TTC8: variants seen among roughly 807,000 people sequenced by gnomAD.
TTC8 encodes tetratricopeptide repeat domain 8, also known as tetratricopeptide repeat protein 8.
In TTC8, 47 loss-of-function variants were observed where a neutral mutation model predicts 72.5. That is an observed-to-expected ratio of 0.65 (90% CI 0.51 to 0.83). The LOEUF (loss-of-function observed/expected upper bound fraction) is 0.83, where lower values mean the gene tolerates loss of function less well. Ranked by LOEUF, TTC8 falls within the 40% of genes least tolerant of loss-of-function variation. The pLI, the probability that TTC8 is intolerant of heterozygous loss-of-function variation, is 0.00. For synonymous variants in TTC8, 199 were observed against 221.4 expected (o/e 0.90, Z 0.90); for missense variants, 611 against 623.2 (o/e 0.98, Z 0.21).
intron 10 of TTC8, among the ~76,000 whole-genome samples, chr14:88,865,514 C>T (rs1008588856): frequency 1.3e-5 from 2 of 151,966 alleles, no homozygotes; most frequent in South Asian, 4.1e-4. Context: ...ACTAAAAATA[C>T]AAAATTAGCC....
chr14:88,846,601 C>G, intron 7 of TTC8: 2 of 1,432,688 alleles, frequency 1.4e-6, no homozygotes, highest in Non-Finnish European at 1.9e-6. Flanking sequence ...TTAATAGATT[C>G]ATCTTGAAGA....
At chr14:88,859,857 C>CATATATAATATATATTATATATTATATA (rs1329379600) in intron 9 of TTC8, among the ~76,000 whole-genome samples, 5 of 134,288 alleles carry the variant, frequency 3.7e-5, no homozygotes, top group Non-Finnish European at 7.8e-5. Context: ...AATATATAAT[C>CATATATAATATATATTATATATTATATA]ATATATAATA....
In TTC8 at chr14:88,841,120, C is replaced by A. The variant is rs755746327; in HGVS notation, c.413C>A (p.Ala138Asp). Residue 138 changes from alanine (A) to aspartate (D), a missense_variant, in exon 5 of 15, where the codon GCT becomes GAT. Ala to Asp is a moderately radical substitution (Grantham distance 126). Coordinates refer to ENST00000380656, the MANE Select transcript of TTC8 (RefSeq NM_144596.4). The part of the protein sequence containing the change: ...QSGRPGTMEQ[A>D]IRTPRTAYTA... Reference sequence around the variant, plus strand: ...GGAAGGCCAGGCACTATGGAACAGGCTATCAGAACACCCAGAACCGCCTAC... The same window carrying A: ...GGAAGGCCAGGCACTATGGAACAGGATATCAGAACACCCAGAACCGCCTAC... 1 of 1,614,124 alleles carries A rather than the reference C, an allele frequency of 6.2e-7. No individual in the cohort carries two copies. The highest frequency in any genetic ancestry group is 1.1e-5 in the South Asian group (1 of 91,080).
intron 13 of TTC8, among the ~76,000 whole-genome samples, chr14:88,873,463 A>G (rs2094943762): frequency 1.3e-5 from 2 of 152,190 alleles, no homozygotes; most frequent in South Asian, 2.1e-4. Flanking sequence ...TTTCATATAT[A>G]TGTGTAGGAT....
chr14:88,855,266 G>A (rs1207406921), intron 8 of TTC8, among the ~76,000 whole-genome samples: 4 of 152,116 alleles, frequency 2.6e-5, no homozygotes, highest in Non-Finnish European at 4.4e-5. Flanking sequence ...TTAAGGACAT[G>A]GTTGTTACCT....
chr14:88,854,376 C>T (rs566776963), intron 8 of TTC8, among the ~76,000 whole-genome samples: 1 of 152,314 alleles, frequency 6.6e-6, no homozygotes, highest in South Asian at 2.1e-4. Context: ...TTCACTTATA[C>T]ATTCATTCAT....
At chr14:88,844,025 A>G (rs1031982819) in intron 7 of TTC8, among the ~76,000 whole-genome samples, 175 bp downstream of exon 7, 2 of 152,178 alleles carry the variant, frequency 1.3e-5, no homozygotes, top group African/African-American at 2.4e-5. Flanking sequence ...GTATAAATAT[A>G]CAAGTGATAA....
In TTC8 at chr14:88,861,315, A is replaced by G. The variant is rs752236362; in HGVS notation, c.892A>G (p.Ile298Val). Residue 298 changes from isoleucine (I) to valine (V), a missense_variant, in exon 10 of 15, where the codon ATT becomes GTT. Ile to Val is a conservative substitution (Grantham distance 29). Transcript: ENST00000380656. ...AGGAGAAGTAACCCTGCTCTGTGGA[A>G]TTGCAAGAATCTATGAGGTAATTCA... ...FPGEVTLLCG[I>V]ARIYEEMNNM... 6.2e-7 allele frequency: 1 copy of G among 1,608,676 alleles called. No homozygotes were observed. The highest frequency in any genetic ancestry group is 1.3e-5 in the African/African-American group (1 of 74,774).
intron 1 of TTC8, among the ~76,000 whole-genome samples, chr14:88,828,643 G>A (rs1325942730): frequency 6.6e-6 from 1 of 152,072 alleles, no homozygotes; most frequent in African/African-American, 2.4e-5. Flanking sequence ...TTTTAATAAT[G>A]TCATTTTTCA....
At chr14:88,850,145 T>G (rs573454234) in intron 7 of TTC8, among the ~76,000 whole-genome samples, 7 of 152,330 alleles carry the variant, frequency 4.6e-5, no homozygotes, top group African/African-American at 1.7e-4. Context: ...TGGGAATGAT[T>G]AAAGAAATAT....
At chr14:88,872,125 A>T (rs1334222954) in intron 12 of TTC8, among the ~76,000 whole-genome samples, 1 of 152,184 alleles carries the variant, frequency 6.6e-6, no homozygotes, top group African/African-American at 2.4e-5. Flanking sequence ...CAGTAGTCTT[A>T]CGGGGCAATT....
At chr14:88,859,692 GC>G (rs1329839119) in intron 9 of TTC8, among the ~76,000 whole-genome samples, 1 of 151,496 alleles carries the variant, frequency 6.6e-6, no homozygotes, top group Non-Finnish European at 1.5e-5. Flanking sequence ...GGAGGCTGAG[GC>G]TGGAGGATTG....
chr14:88,872,450 C>A lies in TTC8; in HGVS notation c.1345C>A (p.Gln449Lys). ...GGAGATGCGGAAGGGCCACGTTGAA[C>A]AGGTCAGTGAACTGGCAGCGGCATG... ...VLEMRKGHVE[Q>K]ARALLQTASS... The change falls in exon 13 of 15, where the codon CAG (glutamine) becomes AAG (lysine). Residue 449 changes from glutamine to lysine, a missense_variant and splice_region_variant. Gln to Lys is a moderately conservative substitution (Grantham distance 53, BLOSUM62 1). Transcript: ENST00000380656. 6.2e-7 allele frequency: 1 copy of A among 1,613,742 alleles called. No individual in the cohort carries two copies. The highest frequency in any genetic ancestry group is 8.5e-7 in the Non-Finnish European group (1 of 1,179,782).
chr14:88,844,711 A>AT lies in TTC8; in HGVS notation c.624+874dup, dbSNP rs397852319. Reference sequence around the variant, plus strand: ...AGGCGTGTGCCACCATGCCCAGCTGATTTTTTTTTTTTTAATTATCTGTAC... The same window carrying AT: ...AGGCGTGTGCCACCATGCCCAGCTGATTTTTTTTTTTTTTAATTATCTGTAC... On this transcript the variant is annotated intron_variant, in intron 7 of 14. Coordinates refer to ENST00000380656, the MANE Select transcript of TTC8 (RefSeq NM_144596.4). Among the ~76,000 whole-genome samples, 510 of 144,076 alleles carry AT rather than the reference A, an allele frequency of 3.5e-3. 2 individuals are homozygous for AT. Among genetic ancestry groups the AT allele is most frequent in the East Asian group, 5.9e-3 (29 of 4,954 alleles). The allele number at this position is 144,076 out of a possible 152,430, so 94.5% of individuals were successfully genotyped here.
intron 11 of TTC8, among the ~76,000 whole-genome samples, chr14:88,870,667 C>T (rs2094929910): frequency 6.6e-6 from 1 of 152,146 alleles, no homozygotes. Context: ...TTTTTTCAGT[C>T]TAAATAAATT....
chr14:88,871,945 T>C lies in TTC8; in HGVS notation c.1224+222T>C, dbSNP rs2094936042. Among the ~76,000 whole-genome samples the C allele has an allele frequency of 6.6e-6, 1 of 152,084 alleles. No individual in the cohort carries two copies. Among genetic ancestry groups the C allele is most frequent in the African/African-American group, 2.4e-5 (1 of 41,406 alleles). ...TGCACATCTGTAGTCCCAGCTACTC[T>C]GAGGGCTGAGGCAGGAAGATCACTT... On this transcript the variant is annotated intron_variant, in intron 12 of 14. Transcript: ENST00000380656. The surrounding 1 kb of genome is among the most constrained non-coding windows in gnomAD (Gnocchi z 4.1).
chr14:88,856,900 G>A (rs1482554879), intron 8 of TTC8, among the ~76,000 whole-genome samples: 2 of 152,118 alleles, frequency 1.3e-5, no homozygotes, highest in Non-Finnish European at 2.9e-5. Context: ...AGCTCTTTGG[G>A]TGGTGAACTG....
At chr14:88,837,038 G>A in intron 2 of TTC8, 1 of 271,238 alleles carries the variant, frequency 3.7e-6, no homozygotes, top group Non-Finnish European at 7.4e-6. Context: ...TCCAGCTTGG[G>A]CAACAAGAGC....
intron 1 of TTC8, chr14:88,830,750 A>C: frequency 3.5e-5 from 15 of 428,240 alleles, no homozygotes; most frequent in South Asian, 2.6e-4. Context: ...GTGAAGCTGC[A>C]CGGGTGGATT....
Sources: gnomAD v4.1 joint callset for allele counts (sites outside exome capture counted in the v4.1 genomes callset) on GRCh38, gnomAD v4.1.1 for gene constraint, Gnocchi (gnomAD v3.1) non-coding constraint, MANE v1.5 for transcripts, NCBI Gene and HGNC (gene_info 2026-07-23, HGNC 2026-07-21) for gene names.